Variants in RPS10 observed in about 807,000 individuals in gnomAD.
RPS10 encodes the protein ribosomal protein S10.
RPS10 carries 2 observed loss-of-function variants against 22.6 expected under a neutral mutation model. The ratio of observed to expected loss-of-function variants is 0.09; its 90% CI spans 0.04 to 0.28. RPS10 has a LOEUF of 0.28. Among genes scored for constraint, RPS10 ranks in the 10% least tolerant of loss-of-function variants. The pLI, the probability that RPS10 is intolerant of heterozygous loss-of-function variation, is 1.00. For synonymous variants in RPS10, 70 were observed against 75.9 expected (o/e 0.92, Z 0.40); for missense variants, 137 against 222.2 (o/e 0.62, Z 2.44).
At chr6:34,422,482 G>A (rs757908866) in intron 3 of RPS10, among the ~76,000 whole-genome samples, 1 of 151,910 alleles carries the variant, frequency 6.6e-6, no homozygotes, top group Non-Finnish European at 1.5e-5. Context: ...GCACGGCTAC[G>A]TTTTGTATTT....
In RPS10 at chr6:34,424,698, C is replaced by T. The variant is rs761359260; in HGVS notation, c.293G>A (p.Arg98His). 8.7e-6 allele frequency: 14 copies of T among 1,614,012 alleles called. No individual in the cohort carries two copies. The highest frequency in any genetic ancestry group is 1.3e-5 in the African/African-American group (1 of 74,910). Reference protein sequence around the residue: ...EIVPATLRRSRPETGRPRPKG... With the variant: ...EIVPATLRRSHPETGRPRPKG... ...AGGCCGAGGCCTGCCAGTCTCTGGA[C>T]GGCTACGGCGTAGGGTGGCAGGCAC... The change falls in exon 3 of 6, where the codon CGT (arginine) becomes CAT (histidine). Residue 98 changes from arginine (R) to histidine (H), a missense_variant. Arg to His is a conservative substitution (Grantham distance 29). Coordinates refer to ENST00000648437, the MANE Select transcript of RPS10 (RefSeq NM_001014.5).
intron 5 of RPS10, chr6:34,417,860 A>C: frequency 1.4e-6 from 1 of 718,350 alleles, no homozygotes; most frequent in Non-Finnish European, 2.6e-6. Flanking sequence ...CCTTTTTACA[A>C]ATGACATTAT....
intron 1 of RPS10, chr6:34,425,598 G>A (rs1765931274): frequency 3.2e-6 from 1 of 313,532 alleles, no homozygotes; most frequent in Admixed American, 4.2e-5. Context: ...GGTACGCAGG[G>A]AAGGCCCGGA....
intron 3 of RPS10, among the ~76,000 whole-genome samples, chr6:34,422,711 G>A (rs996124484): frequency 2.6e-5 from 4 of 151,296 alleles, no homozygotes; most frequent in South Asian, 2.1e-4. Context: ...CTCCCGCCTT[G>A]GCCTCCCAAA....
At chr6:34,418,053 G>C (rs375937481) in intron 5 of RPS10, 4 of 818,044 alleles carry the variant, frequency 4.9e-6, no homozygotes, top group East Asian at 2.7e-5. Context: ...AAAGATGGAG[G>C]ATTTGATTTC....
intron 3 of RPS10, 99 bp downstream of exon 3, chr6:34,424,570 C>CAG (rs1245181503): frequency 1.3e-6 from 2 of 1,517,858 alleles, no homozygotes; most frequent in South Asian, 2.4e-5. Flanking sequence ...GCCTGCAGGC[C>CAG]AGAGCCCTCT....
intron 4 of RPS10, among the ~76,000 whole-genome samples, chr6:34,420,264 G>A (rs1360592855): frequency 6.6e-6 from 1 of 152,086 alleles, no homozygotes; most frequent in African/African-American, 2.4e-5. Flanking sequence ...TGCCCAGGGT[G>A]GAGTGCAGTG....
At chr6:34,422,138 C>G (rs545964542) in intron 3 of RPS10, among the ~76,000 whole-genome samples, 181 of 152,182 alleles carry the variant, frequency 1.2e-3, no homozygotes, top group Non-Finnish European at 2.0e-3. Context: ...TTGAACCTGA[C>G]CCACGTTAAG....
intron 3 of RPS10, among the ~76,000 whole-genome samples, chr6:34,422,782 A>T (rs1765812840): frequency 6.6e-6 from 1 of 151,712 alleles, no homozygotes; most frequent in South Asian, 2.1e-4. Flanking sequence ...GAGCTACCTT[A>T]AAAAAATTAT....
In RPS10 at chr6:34,419,525, T is replaced by C. The variant is rs151164026; in HGVS notation, c.401-1101A>G. On this transcript the variant is annotated intron_variant, in intron 4 of 5. Transcript: ENST00000648437. The stretch of plus-strand genomic sequence containing the variant: ...TTCACTACTCTTTATACTGATTACA[T>C]GTTAAATTAACACGTTTAGATATTT... 9.1e-3 allele frequency among the ~76,000 whole-genome samples: 1,392 copies of C among 152,310 alleles called. 17 individuals are homozygous for C. The highest frequency in any genetic ancestry group is 0.024 in the Middle Eastern group (7 of 294).
chr6:34,425,495 A>G (rs1162544850), intron 1 of RPS10: 4 of 414,976 alleles, frequency 9.6e-6, no homozygotes, highest in Admixed American at 6.9e-5. Flanking sequence ...ACAAAGGTCA[A>G]TGGGGGGGAG....
At position 34,422,792 on chromosome 6, in the gene RPS10, T is replaced by C. The variant is rs534970639; in HGVS notation, c.323-985A>G. ...TTTAAGAGCTACCTTAAAAAAATTA[T>C]CATAAATGGCCAGACGCAGTGGCTC... is the stretch of plus-strand genomic sequence containing the variant. On this transcript the variant is annotated intron_variant, in intron 3 of 5. Coordinates refer to ENST00000648437, the MANE Select transcript of RPS10 (RefSeq NM_001014.5). Among the ~76,000 whole-genome samples, 135 of 150,220 alleles carry C rather than the reference T, an allele frequency of 9.0e-4. 1 individual carries two copies. Among genetic ancestry groups the C allele is most frequent in the African/African-American group, 3.0e-3 (122 of 41,074 alleles).
intron 3 of RPS10, among the ~76,000 whole-genome samples, chr6:34,423,627 G>A (rs1765844558): frequency 6.6e-6 from 1 of 152,166 alleles, no homozygotes; most frequent in Non-Finnish European, 1.5e-5. Flanking sequence ...GCTAACGCCT[G>A]TAATCCCAGC....
intron 3 of RPS10, among the ~76,000 whole-genome samples, chr6:34,423,605 C>T (rs1765842793): frequency 3.3e-5 from 5 of 152,156 alleles, no homozygotes; most frequent in Admixed American, 3.3e-4. Flanking sequence ...GTATTATGGG[C>T]TGGGCGCGGT....
At chr6:34,421,146 G>A (rs921338230) in intron 4 of RPS10, among the ~76,000 whole-genome samples, 5 of 145,860 alleles carry the variant, frequency 3.4e-5, no homozygotes, top group Non-Finnish European at 7.5e-5. Flanking sequence ...AGGCTGGAGT[G>A]ACAACTTTAA....
At chr6:34,424,374 C>A (rs1003474128) in intron 3 of RPS10, 4 of 411,260 alleles carry the variant, frequency 9.7e-6, no homozygotes, top group Non-Finnish European at 1.8e-5. Flanking sequence ...AATAGTACAA[C>A]GCACTCTGCG....
rs1414365967 is a variant in RPS10 at position 34,421,956 on chromosome 6, C to A, written c.323-149G>T. 5.3e-5 allele frequency: 36 copies of A among 682,084 alleles called. No individual in the cohort carries two copies. In the Admixed American group the frequency reaches 8.2e-4, roughly 16 times the overall value. The allele number at this position is 682,084 out of a possible 1,614,324, so 42.3% of individuals were successfully genotyped here. A position where few individuals can be genotyped will look rare whatever the true frequency, so the allele number is the denominator to read the frequency against. On this transcript the variant is annotated intron_variant, in intron 3 of 5. Coordinates refer to ENST00000648437, the MANE Select transcript of RPS10 (RefSeq NM_001014.5). ...TGGGGACAGGAACTCCTTAAACCTACAATGTCAGCTAGAAATAATTATTTC... is the reference window on the plus strand; with the variant it reads ...TGGGGACAGGAACTCCTTAAACCTAAAATGTCAGCTAGAAATAATTATTTC...
At chr6:34,424,001 C>A (rs1204685825) in intron 3 of RPS10, among the ~76,000 whole-genome samples, 1 of 151,944 alleles carries the variant, frequency 6.6e-6, no homozygotes, top group Non-Finnish European at 1.5e-5. Flanking sequence ...TAGGAATCTG[C>A]GCATTTTTTC....
At chr6:34,424,438 T>C in intron 3 of RPS10, 2 of 555,560 alleles carry the variant, frequency 3.6e-6, no homozygotes, top group Non-Finnish European at 6.5e-6. Context: ...TGTACAGGTG[T>C]GGGTGAAGAA....
Sources: gnomAD v4.1 joint callset for allele counts (sites outside exome capture counted in the v4.1 genomes callset) on GRCh38, gnomAD v4.1.1 for gene constraint, MANE v1.5 for transcripts, NCBI Gene and HGNC (gene_info 2026-07-23, HGNC 2026-07-21) for gene names.